Variants in TRPM3 observed in about 807,000 individuals in gnomAD.
TRPM3 encodes the protein transient receptor potential cation channel subfamily M member 3.
A neutral mutation model predicts 181.2 loss-of-function variants in TRPM3; 77 were observed. The observed-to-expected ratio is 0.42, with a 90% CI of 0.35 to 0.51. The LOEUF (loss-of-function observed/expected upper bound fraction) is 0.51, where lower values mean the gene tolerates loss of function less well. TRPM3 is among the 20% of genes least tolerant of loss of function. TRPM3 has a pLI of 0.01. For missense variants in TRPM3, 1,759 were observed against 2,196.7 expected (o/e 0.80, Z 3.98); for synonymous variants, 745 against 796.4 (o/e 0.94, Z 1.09).
chr9:70,618,213 A>C (rs2063087935), intron 17 of TRPM3, among the ~76,000 whole-genome samples: 1 of 152,224 alleles, frequency 6.6e-6, no homozygotes, highest in Non-Finnish European at 1.5e-5. Context: ...TTCACAGTCC[A>C]TTCAACCTCA....
intron 1 of TRPM3, among the ~76,000 whole-genome samples, chr9:70,921,103 A>T (rs2096648843): frequency 6.6e-6 from 1 of 152,124 alleles, no homozygotes; most frequent in African/African-American, 2.4e-5. Flanking sequence ...CATTTATCTC[A>T]TGCTCACGTC....
intron 1 of TRPM3, among the ~76,000 whole-genome samples, chr9:71,183,919 T>C (rs2077536473): frequency 6.6e-6 from 1 of 152,102 alleles, no homozygotes; most frequent in Non-Finnish European, 1.5e-5. Flanking sequence ...CTCACTCATT[T>C]GCCCGTTACT....
chr9:70,625,489 T>C lies in TRPM3; in HGVS notation c.1661A>G (p.Tyr554Cys). Residue 554 changes from tyrosine to cysteine, a missense_variant, in exon 13 of 26, where the codon TAT becomes TGT. By Grantham distance (194) the Tyr-to-Cys change is radical. Transcript: ENST00000677713. This position sits in a 1 kb window ranked among gnomAD's most constrained non-coding sequence, Gnocchi z 4.8. Reference protein sequence around the residue: ...KREYPGFGWIYFKGNLPPDYR... With the variant: ...KREYPGFGWICFKGNLPPDYR... ...GCTGGTTAATTAATTCACCTTAAAA[T>C]AGATCCAACCGAAACCTGGATACTC... 1 of 1,612,106 alleles carries C rather than the reference T, an allele frequency of 6.2e-7. No homozygotes were observed.
chr9:70,546,548 A>G (rs1274493234), intron 25 of TRPM3, among the ~76,000 whole-genome samples: 1 of 152,124 alleles, frequency 6.6e-6, no homozygotes, highest in Non-Finnish European at 1.5e-5. Context: ...CTGCCTGGCA[A>G]TGGTGAAAGC....
rs1564167690 is a variant in TRPM3, at chr9:70,532,958, CACATACAT to C, written c.*2987_*2994del. On this transcript the variant is annotated 3_prime_UTR_variant, in exon 26 of 26. Transcript: ENST00000677713. ...GAAGGAAATGGACTGAAAAATAACA[CACATACAT>C]GTGCACAGGAAGGAAATGGCTCATG... The C allele has an allele frequency of 2.0e-5, 3 of 152,184 alleles. No homozygotes were observed. The highest frequency in any genetic ancestry group is 4.4e-5 in the Non-Finnish European group (3 of 68,054). The allele number at this position is 152,184 out of a possible 1,614,324, so 9.4% of individuals were successfully genotyped here.
intron 1 of TRPM3, among the ~76,000 whole-genome samples, chr9:71,161,026 A>T (rs1461543351): frequency 6.6e-6 from 1 of 152,182 alleles, no homozygotes. Flanking sequence ...CACTGAGCAC[A>T]GAGGTGACTA....
At position 70,873,130 on chromosome 9, in the gene TRPM3, A is replaced by G. The variant is rs563424791; in HGVS notation, c.178-8619T>C. On this transcript the variant is annotated intron_variant, in intron 1 of 25. Coordinates refer to ENST00000677713, the MANE Select transcript of TRPM3 (RefSeq NM_001366145.2). ...GATTTTTGGATAAGAGAAAATCACG[A>G]TGATGTCACAAAAGTGACCCAAGTT... is the stretch of plus-strand genomic sequence containing the variant. 5.9e-5 allele frequency among the ~76,000 whole-genome samples: 9 copies of G among 152,148 alleles called. No homozygotes were observed. In the South Asian group the frequency reaches 1.9e-3, roughly 32 times the overall value.
intron 1 of TRPM3, among the ~76,000 whole-genome samples, chr9:71,430,976 T>A (rs867915179): frequency 1.3e-5 from 2 of 152,254 alleles, no homozygotes; most frequent in African/African-American, 4.8e-5. Flanking sequence ...CATCCTCTTA[T>A]GACTGAGTAC....
intron 1 of TRPM3, among the ~76,000 whole-genome samples, chr9:71,069,587 G>A (rs963697373): frequency 6.6e-6 from 1 of 151,036 alleles, no homozygotes; most frequent in Non-Finnish European, 1.5e-5. Context: ...AGGAGGGCCT[G>A]TATGCCAAAA....
intron 1 of TRPM3, among the ~76,000 whole-genome samples, chr9:71,360,072 C>A (rs1231335974): frequency 6.6e-6 from 1 of 152,092 alleles, no homozygotes. Flanking sequence ...CACATAACTA[C>A]AATTAGTGTT....
At chr9:70,753,455 T>G (rs1407252750) in intron 8 of TRPM3, among the ~76,000 whole-genome samples, 1 of 152,124 alleles carries the variant, frequency 6.6e-6, no homozygotes, top group African/African-American at 2.4e-5. Flanking sequence ...CTGGTGTTAT[T>G]GAAAGCCTAA....
intron 1 of TRPM3, among the ~76,000 whole-genome samples, chr9:71,249,841 A>T (rs2082240006): frequency 6.6e-6 from 1 of 152,210 alleles, no homozygotes; most frequent in Non-Finnish European, 1.5e-5. Flanking sequence ...AAGAATTAAG[A>T]TGAATGGGTC....
chr9:71,266,960 C>CAA lies in TRPM3; in HGVS notation c.183+179691_183+179692dup, dbSNP rs368684991. On this transcript the variant is annotated intron_variant, in intron 1 of 24. Coordinates refer to the TRPM3 transcript ENST00000357533. ...TTCAAATGCTATATACTTCTCTGGCCAAAAAAAAAAAAAAATGTCATACCA... is the reference window on the plus strand; with the variant it reads ...TTCAAATGCTATATACTTCTCTGGCCAAAAAAAAAAAAAAAAATGTCATACCA... 5.4e-3 allele frequency among the ~76,000 whole-genome samples: 672 copies of CAA among 125,416 alleles called. 3 individuals carry two copies. Among genetic ancestry groups the CAA allele is most frequent in the African/African-American group, 0.019 (643 of 34,304 alleles). The allele number at this position is 125,416 out of a possible 152,430, so 82.3% of individuals were successfully genotyped here.
intron 8 of TRPM3, among the ~76,000 whole-genome samples, chr9:70,683,279 G>C (rs2065912432): frequency 6.6e-6 from 1 of 151,934 alleles, no homozygotes; most frequent in African/African-American, 2.4e-5. Context: ...GAGTACAGTG[G>C]TATGATCATA....
intron 1 of TRPM3, among the ~76,000 whole-genome samples, chr9:71,157,803 G>A (rs1228307791): frequency 6.6e-6 from 1 of 152,096 alleles, no homozygotes; most frequent in Admixed American, 6.6e-5. Context: ...TAAAGATATG[G>A]TATTTTTAGT....
At chr9:71,296,038 G>A (rs952241129) in intron 1 of TRPM3, among the ~76,000 whole-genome samples, 1 of 151,988 alleles carries the variant, frequency 6.6e-6, no homozygotes, top group African/African-American at 2.4e-5. Context: ...GAGGTGTATA[G>A]GAAAATGTTT....
At chr9:71,338,928 A>G (rs77628179) in intron 1 of TRPM3, among the ~76,000 whole-genome samples, 5,207 of 152,264 alleles carry the variant, frequency 0.034, 153 homozygotes, top group Middle Eastern at 0.085. Flanking sequence ...AAACAGGAAG[A>G]AATGAAACTA....
chr9:71,226,009 TAAAAAAAAAAAAAA>T, intron 1 of TRPM3, among the ~76,000 whole-genome samples: 34 of 34,710 alleles, frequency 9.8e-4, no homozygotes, highest in African/African-American at 2.5e-3. Context: ...CAACAAAAGG[TAAAAAAAAAAAAAA>T]AAAAAAAAAA....
intron 1 of TRPM3, among the ~76,000 whole-genome samples, chr9:71,370,822 A>G (rs2092485719): frequency 6.6e-6 from 1 of 152,346 alleles, no homozygotes; most frequent in African/African-American, 2.4e-5. Context: ...GCTAGAGCAG[A>G]GAAGTCAATT....
Sources: allele counts gnomAD v4.1 joint callset (sites outside exome capture counted in the v4.1 genomes callset), GRCh38; gene constraint gnomAD v4.1.1; non-coding constraint Gnocchi (gnomAD v3.1); transcripts MANE v1.5; gene names NCBI Gene and HGNC (gene_info 2026-07-23, HGNC 2026-07-21).